The following ERICH1 variants were observed in gnomAD, a reference collection of about 807,000 sequenced individuals.
ERICH1 encodes the protein glutamate-rich protein 1.
A neutral mutation model predicts 39.6 loss-of-function variants in ERICH1; 56 were observed. The ratio of observed to expected loss-of-function variants is 1.41; its 90% CI spans 1.14 to 1.77. ERICH1 has a LOEUF of 1.77. Among genes scored for constraint, ERICH1 ranks in the 40% most tolerant of loss-of-function variants. The pLI is 0.00. For synonymous variants in ERICH1, 313 were observed against 223.6 expected (o/e 1.40, Z -3.57); for missense variants, 826 against 575.4 (o/e 1.44, Z -4.45).
intron 3 of ERICH1, among the ~76,000 whole-genome samples, chr8:643,987 G>A (rs1799313279): frequency 1.3e-5 from 2 of 152,256 alleles, no homozygotes. Context: ...CGGGGCGGGG[G>A]CGGCTCTGCA....
At chr8:697,263 C>A (rs534695060) in intron 2 of ERICH1, among the ~76,000 whole-genome samples, 1 of 152,194 alleles carries the variant, frequency 6.6e-6, no homozygotes, top group South Asian at 2.1e-4. Context: ...GGGGACAAGG[C>A]GGACACCACT....
chr8:635,320 G>A (rs1182173000), intron 3 of ERICH1, among the ~76,000 whole-genome samples: 1 of 152,136 alleles, frequency 6.6e-6, no homozygotes. Flanking sequence ...CCCCCCACAC[G>A]GGTTTATCCG....
chr8:616,426 C>A (rs904345246), intron 3 of ERICH1: 2 of 424,924 alleles, frequency 4.7e-6, no homozygotes, highest in Admixed American at 2.5e-5. Context: ...CCGAACCCCG[C>A]ACACCCCATG....
At chr8:716,564 C>T (rs1816055373) in intron 1 of ERICH1, among the ~76,000 whole-genome samples, 1 of 152,224 alleles carries the variant, frequency 6.6e-6, no homozygotes, top group Non-Finnish European at 1.5e-5. Flanking sequence ...GTGCATCTGA[C>T]GTGGTTTAAC....
chr8:624,709 T>A (rs181765413), intron 3 of ERICH1, among the ~76,000 whole-genome samples: 311 of 151,774 alleles, frequency 2.0e-3, no homozygotes, highest in African/African-American at 6.2e-3. Context: ...ACTTTTTTTT[T>A]TATATTTTTT....
chr8:726,425 A>C (rs1215918489), intron 1 of ERICH1, among the ~76,000 whole-genome samples: 2 of 152,100 alleles, frequency 1.3e-5, no homozygotes, highest in Non-Finnish European at 2.9e-5. Context: ...CACCCATGCC[A>C]CAGGCAGACA....
chr8:665,005 C>T (rs942191122), intron 5 of ERICH1, among the ~76,000 whole-genome samples: 1 of 152,134 alleles, frequency 6.6e-6, no homozygotes, highest in African/African-American at 2.4e-5. Flanking sequence ...TGGAAGAAAA[C>T]CCACATATAA....
At chr8:664,153 T>C (rs185627735), downstream of ERICH1, 66 of 760,218 alleles carry the variant, frequency 8.7e-5, no homozygotes, top group Admixed American at 8.7e-4. Flanking sequence ...GTACCTGATA[T>C]GATTCACAAA....
At position 701,368 on chromosome 8, in the gene ERICH1, G is replaced by A. The variant is rs574648657; in HGVS notation, c.170-8756C>T. Among the ~76,000 whole-genome samples, 18 of 152,314 alleles carry A rather than the reference G, an allele frequency of 1.2e-4. No homozygotes were observed. The South Asian group carries it at 1.4e-3, about 12-fold the overall frequency. On this transcript the variant is annotated intron_variant, in intron 2 of 5. Coordinates refer to ENST00000262109, the MANE Select transcript of ERICH1 (RefSeq NM_207332.3). ...TACCCACGGGTCTACCCTGCTGGAC[G>A]GGAGCACGCCATACCTACGGGTCTG...
intron 1 of ERICH1, among the ~76,000 whole-genome samples, chr8:728,651 T>C (rs577363321): frequency 5.7e-4 from 87 of 152,292 alleles, no homozygotes; most frequent in Middle Eastern, 3.4e-3. Flanking sequence ...GCCCTTCCCC[T>C]TCCTGGGACC....
At chr8:686,324 T>C (rs1325634309) in intron 3 of ERICH1, among the ~76,000 whole-genome samples, 1 of 152,236 alleles carries the variant, frequency 6.6e-6, no homozygotes, top group Non-Finnish European at 1.5e-5. Context: ...TAGACATTTC[T>C]CTAATCCAAA....
intron 1 of ERICH1, among the ~76,000 whole-genome samples, chr8:725,603 G>A (rs113109662): frequency 3.3e-4 from 51 of 152,280 alleles, no homozygotes; most frequent in African/African-American, 1.2e-3. Context: ...GCAAGCAGCC[G>A]AGACTGCAGC....
chr8:628,037 G>C (rs375922492), intron 3 of ERICH1, among the ~76,000 whole-genome samples: 4 of 152,138 alleles, frequency 2.6e-5, no homozygotes, highest in African/African-American at 4.8e-5. Context: ...AGAAGCCAGC[G>C]GCCCCTCCCT....
intron 3 of ERICH1, among the ~76,000 whole-genome samples, chr8:641,461 C>T (rs2335875): frequency 0.5 from 76,704 of 151,946 alleles, 19,548 homozygotes; most frequent in Non-Finnish European, 0.56. Flanking sequence ...TGCAAAGTTA[C>T]ATTGACAGCT....
rs35806240 is a variant in ERICH1, at chr8:673,644, G to A, written c.708C>T (p.Asp236=). Residue 236 remains aspartate (D), a synonymous_variant, in exon 4 of 6, where the codon GAC becomes GAT. Coordinates refer to ENST00000262109, the MANE Select transcript of ERICH1 (RefSeq NM_207332.3). ...VKDTREEDGA[D]ASEEDLTRAR... is the part of the protein sequence containing the mutation. Reference sequence around the variant, plus strand: ...CCCGTGTCAGGTCTTCCTCGCTAGCGTCCGCACCATCTTCCTCCCTGGTAT... The same window carrying A: ...CCCGTGTCAGGTCTTCCTCGCTAGCATCCGCACCATCTTCCTCCCTGGTAT... The A allele has an allele frequency of 2.2e-3, 3,525 of 1,613,130 alleles. 75 individuals are homozygous for A. In the African/African-American group the frequency reaches 0.037, roughly 17 times the overall value.
At chr8:654,526 T>G (rs1222566737) in intron 3 of ERICH1, among the ~76,000 whole-genome samples, 2 of 152,192 alleles carry the variant, frequency 1.3e-5, no homozygotes, top group African/African-American at 2.4e-5. Flanking sequence ...TTTTATGTAC[T>G]TTTCTATATG....
intron 5 of ERICH1, chr8:668,332 A>C (rs1002615098): frequency 3.9e-6 from 2 of 514,316 alleles, no homozygotes; most frequent in African/African-American, 1.9e-5. Flanking sequence ...ATTTAAACTT[A>C]GGAAAATTTG....
chr8:655,518 C>T (rs1411179846), intron 3 of ERICH1, among the ~76,000 whole-genome samples: 1 of 152,204 alleles, frequency 6.6e-6, no homozygotes. Context: ...CTCCTCTTTT[C>T]TTCTTTGCTG....
At position 673,585 on chromosome 8, in the gene ERICH1, T is replaced by C; in HGVS notation, c.767A>G (p.Glu256Gly). Residue 256 changes from glutamate (E) to glycine (G), a missense_variant, in exon 4 of 6, where the codon GAA (glutamate) becomes GGA (glycine). Transcript: ENST00000262109. ...TTCCTCCCCGGCCGGTGTCGGATCT[T>C]CCTCACTGGCGTCCGCACCCTCTTC... ...RQEEGADASEEDPTPAGEEDV... is the reference protein window; with the variant it reads ...RQEEGADASEGDPTPAGEEDV... 6.4e-7 allele frequency: 1 copy of C among 1,553,388 alleles called. No individual in the cohort carries two copies. Among genetic ancestry groups the C allele is most frequent in the Non-Finnish European group, 8.8e-7 (1 of 1,132,266 alleles).
Sources: allele counts gnomAD v4.1 joint callset (sites outside exome capture counted in the v4.1 genomes callset), GRCh38; gene constraint gnomAD v4.1.1; transcripts MANE v1.5; gene names NCBI Gene and HGNC (gene_info 2026-07-23, HGNC 2026-07-21).